The following XYLT1 variants were observed in gnomAD, a reference collection of about 807,000 sequenced individuals.
The protein encoded by XYLT1 is xylosyltransferase 1, also known as beta-D-xylosyltransferase 1.
A neutral mutation model predicts 91.3 loss-of-function variants in XYLT1; 36 were observed. The observed-to-expected ratio is 0.39, with a 90% CI of 0.30 to 0.52. The LOEUF (loss-of-function observed/expected upper bound fraction) is 0.52, where lower values mean the gene tolerates loss of function less well. XYLT1 is among the 20% of genes least tolerant of loss of function. The pLI, the probability that XYLT1 is intolerant of heterozygous loss-of-function variation, is 0.68. For synonymous variants in XYLT1, 588 were observed against 532.0 expected (o/e 1.11, Z -1.45); for missense variants, 1,242 against 1,284.5 (o/e 0.97, Z 0.51).
chr16:17,146,304 G>A (rs538436470), intron 6 of XYLT1, among the ~76,000 whole-genome samples: 6 of 152,232 alleles, frequency 3.9e-5, no homozygotes, highest in South Asian at 2.1e-4. Context: ...TGGCGATGAC[G>A]GTAACGCTGG....
At chr16:17,138,061 G>GGAAAGTTTTTTT (rs1262712292) in intron 8 of XYLT1, among the ~76,000 whole-genome samples, 1 of 151,750 alleles carries the variant, frequency 6.6e-6, no homozygotes, top group African/African-American at 2.4e-5. Context: ...TATGGCCTTT[G>GGAAAGTTTTTTT]GAAAGTTTTT....
intron 2 of XYLT1, among the ~76,000 whole-genome samples, chr16:17,295,531 T>C (rs2034297001): frequency 6.6e-6 from 1 of 152,072 alleles, no homozygotes; most frequent in Admixed American, 6.6e-5. Context: ...AATTTTTGTA[T>C]TTTTAGTAGA....
chr16:17,249,842 T>C (rs1339385600), intron 3 of XYLT1: 1 of 151,882 alleles, frequency 6.6e-6, no homozygotes, highest in African/African-American at 2.4e-5. Context: ...CTAACTTTTG[T>C]TTTGTTTTGT....
intron 9 of XYLT1, among the ~76,000 whole-genome samples, chr16:17,133,410 A>G (rs1269641851): frequency 6.6e-6 from 1 of 152,102 alleles, no homozygotes; most frequent in Non-Finnish European, 1.5e-5. Flanking sequence ...ATGGAAAAAA[A>G]GGGCTTTCTG....
In XYLT1 at chr16:17,126,681, G is replaced by C. The variant is rs192331551; in HGVS notation, c.2223+985C>G. 4.6e-5 allele frequency among the ~76,000 whole-genome samples: 7 copies of C among 152,312 alleles called. No homozygotes were observed. In the East Asian group the frequency reaches 1.2e-3, roughly 25 times the overall value. ...CTCTTGGTCCCTAATCCAGCAGTCA[G>C]AACCATTGTGACAAATCACGTCCTT... On this transcript the variant is annotated intron_variant, in intron 10 of 11. Transcript: ENST00000261381.
chr16:17,440,686 A>G (rs1292981723), intron 1 of XYLT1, among the ~76,000 whole-genome samples: 1 of 152,206 alleles, frequency 6.6e-6, no homozygotes, highest in Non-Finnish European at 1.5e-5. Flanking sequence ...ATGCATTTGT[A>G]TTTGAATGTG....
chr16:17,109,001 C>T lies in XYLT1; in HGVS notation c.2574G>A (p.Leu858=), dbSNP rs768526010. The T allele has an allele frequency of 1.3e-6, 2 of 1,526,676 alleles. No individual in the cohort carries two copies. Among genetic ancestry groups the T allele is most frequent in the South Asian group, 1.3e-5 (1 of 75,416 alleles). The allele number at this position is 1,526,676 out of a possible 1,614,324, so 94.6% of individuals were successfully genotyped here. A position where few individuals can be genotyped will look rare whatever the true frequency, so the allele number is the denominator to read the frequency against. The change falls in exon 12 of 12, where the codon CTG becomes CTA. Residue 858 remains leucine, a synonymous_variant. Transcript: ENST00000261381. ...QPIKPEEALK[L]HNGPLRNAYM... Reference sequence around the variant, plus strand: ...AGGCATTGCGGAGGGGCCCATTGTGCAGCTTCAGTGCCTCCTCTGAAAGCC... The same window carrying T: ...AGGCATTGCGGAGGGGCCCATTGTGTAGCTTCAGTGCCTCCTCTGAAAGCC...
chr16:17,301,423 T>C (rs1013737582), intron 2 of XYLT1, among the ~76,000 whole-genome samples: 4 of 152,028 alleles, frequency 2.6e-5, no homozygotes, highest in Admixed American at 6.6e-5. Flanking sequence ...ATAATAATAA[T>C]AGTCTTAGAT....
intron 2 of XYLT1, among the ~76,000 whole-genome samples, chr16:17,345,026 C>G (rs2035125043): frequency 6.6e-6 from 1 of 152,182 alleles, no homozygotes; most frequent in African/African-American, 2.4e-5. Context: ...AGTCCACTAC[C>G]TGGCCATGTC....
chr16:17,450,418 T>A (rs1451442903), intron 1 of XYLT1, among the ~76,000 whole-genome samples: 1 of 149,558 alleles, frequency 6.7e-6, no homozygotes, highest in African/African-American at 2.5e-5. Context: ...AAGTGGGAGG[T>A]ACTGGGAGGA....
chr16:17,252,684 G>A (rs2033560057), intron 3 of XYLT1, among the ~76,000 whole-genome samples: 1 of 152,140 alleles, frequency 6.6e-6, no homozygotes, highest in Admixed American at 6.5e-5. Context: ...CCATCTCCTG[G>A]GCTTCTGGAC....
At chr16:17,343,215 C>T (rs1392438714) in intron 2 of XYLT1, among the ~76,000 whole-genome samples, 2 of 152,172 alleles carry the variant, frequency 1.3e-5, no homozygotes, top group Non-Finnish European at 2.9e-5. Context: ...AGACTATTTT[C>T]GGGTGTCAGG....
chr16:17,406,675 G>A (rs1188112041), intron 1 of XYLT1, among the ~76,000 whole-genome samples: 4 of 152,202 alleles, frequency 2.6e-5, no homozygotes, highest in Non-Finnish European at 5.9e-5. Flanking sequence ...CTGTGTTCAC[G>A]CCAACCTTCC....
chr16:17,188,991 G>GTAC (rs34809219), intron 5 of XYLT1, among the ~76,000 whole-genome samples: 91,223 of 151,810 alleles, frequency 0.6, 29,758 homozygotes, highest in African/African-American at 0.86. Flanking sequence ...TCACCTTTGA[G>GTAC]TTGCTGCTTA....
chr16:17,463,797 T>G (rs1369469868), intron 1 of XYLT1, among the ~76,000 whole-genome samples: 2 of 152,262 alleles, frequency 1.3e-5, no homozygotes, highest in African/African-American at 2.4e-5. Flanking sequence ...CCATGCTTAC[T>G]GCAACATTCT....
At chr16:17,115,564 C>T (rs940914197) in intron 11 of XYLT1, among the ~76,000 whole-genome samples, 50 of 151,226 alleles carry the variant, frequency 3.3e-4, no homozygotes, top group African/African-American at 1.1e-3. Context: ...CTGCAACCTC[C>T]GCCTCACAGG....
chr16:17,299,590 A>G (rs2034363799), intron 2 of XYLT1, among the ~76,000 whole-genome samples: 1 of 152,152 alleles, frequency 6.6e-6, no homozygotes. Flanking sequence ...TCGCTTCTCT[A>G]GCTGAGGTCG....
intron 10 of XYLT1, among the ~76,000 whole-genome samples, chr16:17,122,518 T>G (rs2030103187): frequency 6.6e-6 from 1 of 152,246 alleles, no homozygotes; most frequent in Admixed American, 6.5e-5. Context: ...ATTGCAAAGA[T>G]TTTCTCCCAC....
rs371977530 is a variant in XYLT1, at chr16:17,200,666, C to A, written c.914-12G>T. On this transcript the variant is annotated splice_polypyrimidine_tract_variant and intron_variant, in intron 3 of 11. Transcript: ENST00000261381. ...CTTGTTGGCTTTACCTGGGGAAAATCCAAGAGAACAGAGAGGAGAAAGTGA... is the reference window on the plus strand; with the variant it reads ...CTTGTTGGCTTTACCTGGGGAAAATACAAGAGAACAGAGAGGAGAAAGTGA... The A allele has an allele frequency of 7.5e-6, 12 of 1,609,888 alleles. No homozygotes were observed. In the African/African-American group the frequency reaches 1.6e-4, roughly 22 times the overall value.
Sources: gnomAD v4.1 joint callset for allele counts (sites outside exome capture counted in the v4.1 genomes callset) on GRCh38, gnomAD v4.1.1 for gene constraint, MANE v1.5 for transcripts, NCBI Gene and HGNC (gene_info 2026-07-23, HGNC 2026-07-21) for gene names.